Variants in LRRC7 observed in about 807,000 individuals in gnomAD.
LRRC7 encodes leucine-rich repeat-containing protein 7.
In LRRC7, 23 loss-of-function variants were observed where a neutral mutation model predicts 175.7. That is an observed-to-expected ratio of 0.13 (90% CI 0.09 to 0.19). LRRC7 has a LOEUF of 0.19. LRRC7 is among the 10% of genes least tolerant of loss of function. The pLI, the probability that LRRC7 is intolerant of heterozygous loss-of-function variation, is 1.00. For missense variants in LRRC7, 1,354 were observed against 1,904.7 expected (o/e 0.71, Z 5.38); for synonymous variants, 685 against 680.9 (o/e 1.01, Z -0.09).
intron 24 of LRRC7, among the ~76,000 whole-genome samples, chr1:70,086,392 A>G (rs1028708864): frequency 1.3e-5 from 2 of 152,216 alleles, no homozygotes; most frequent in Non-Finnish European, 2.9e-5. Context: ...CAAGTAAAGT[A>G]GAATTATGGA....
intron 8 of LRRC7, among the ~76,000 whole-genome samples, chr1:69,934,435 A>AG (rs1557905682): frequency 7.3e-6 from 1 of 137,018 alleles, no homozygotes; most frequent in Non-Finnish European, 1.5e-5. Flanking sequence ...TATATTTTTA[A>AG]TAGCAATTAT....
chr1:69,825,956 G>A, intron 5 of LRRC7, 130 bp downstream of exon 5: 2 of 511,350 alleles, frequency 3.9e-6, no homozygotes, highest in South Asian at 5.0e-5. Context: ...TAGAATGATG[G>A]GAAAAATTAA....
chr1:69,813,801 T>G (rs1315150366), intron 4 of LRRC7, among the ~76,000 whole-genome samples: 3 of 152,084 alleles, frequency 2.0e-5, no homozygotes, highest in Non-Finnish European at 4.4e-5. Flanking sequence ...TGATAGAAAT[T>G]TTTAGTGATA....
At chr1:69,812,632 A>G (rs1480505691) in intron 4 of LRRC7, among the ~76,000 whole-genome samples, 1 of 152,164 alleles carries the variant, frequency 6.6e-6, no homozygotes, top group Non-Finnish European at 1.5e-5. Flanking sequence ...TCTTTATTTC[A>G]TATGAGAGGT....
intron 1 of LRRC7, among the ~76,000 whole-genome samples, chr1:69,643,835 T>C (rs1233913329): frequency 6.6e-6 from 1 of 151,994 alleles, no homozygotes; most frequent in East Asian, 1.9e-4. Context: ...TGCTGGCTTG[T>C]GAAGTGTATT....
At chr1:69,762,876 A>G (rs972779844) in intron 3 of LRRC7, among the ~76,000 whole-genome samples, 15 of 152,024 alleles carry the variant, frequency 9.9e-5, no homozygotes, top group Non-Finnish European at 1.9e-4. Context: ...TTTATCATTG[A>G]CCTGCCTTAT....
At chr1:69,989,409 A>C (rs1304555046) in intron 10 of LRRC7, among the ~76,000 whole-genome samples, 3 of 152,174 alleles carry the variant, frequency 2.0e-5, no homozygotes, top group Non-Finnish European at 4.4e-5. Flanking sequence ...AATTTTGAAA[A>C]AGAAATCCTG....
At chr1:70,104,486 G>T (rs890612450) in intron 25 of LRRC7, among the ~76,000 whole-genome samples, 1 of 152,160 alleles carries the variant, frequency 6.6e-6, no homozygotes, top group Non-Finnish European at 1.5e-5. Flanking sequence ...ATCAAACAAA[G>T]CAGTCATTGC....
At chr1:70,082,163 G>A (rs1016527066) in intron 24 of LRRC7, among the ~76,000 whole-genome samples, 1 of 152,184 alleles carries the variant, frequency 6.6e-6, no homozygotes, top group African/African-American at 2.4e-5. Context: ...TTTATTGTGT[G>A]CAGGTGAAGA....
chr1:69,828,487 A>G (rs1249708767), intron 5 of LRRC7, among the ~76,000 whole-genome samples: 1 of 152,096 alleles, frequency 6.6e-6, no homozygotes, highest in Non-Finnish European at 1.5e-5. Flanking sequence ...TAGAAATGGT[A>G]TTTCAATTAT....
At chr1:70,015,023 A>T (rs191972473) in intron 13 of LRRC7, among the ~76,000 whole-genome samples, 54 of 152,166 alleles carry the variant, frequency 3.5e-4, no homozygotes, top group African/African-American at 1.3e-3. Context: ...AATATACCCC[A>T]TACGTTGTGA....
chr1:69,831,856 G>T (rs1680560962), intron 5 of LRRC7, among the ~76,000 whole-genome samples: 1 of 152,032 alleles, frequency 6.6e-6, no homozygotes, highest in Non-Finnish European at 1.5e-5. Context: ...AGGACATACA[G>T]CAGGTCTTCA....
At chr1:69,976,528 C>G (rs1652838393) in intron 8 of LRRC7, among the ~76,000 whole-genome samples, 1 of 152,200 alleles carries the variant, frequency 6.6e-6, no homozygotes, top group African/African-American at 2.4e-5. Flanking sequence ...ATCTTTTAAT[C>G]CAATCAAGTA....
chr1:69,905,401 T>G (rs1646268465), intron 7 of LRRC7, among the ~76,000 whole-genome samples: 1 of 151,992 alleles, frequency 6.6e-6, no homozygotes, highest in African/African-American at 2.4e-5. Flanking sequence ...ATGCTATCCC[T>G]CCCCGCTCCC....
At chr1:69,899,386 A>G (rs1437645950) in intron 7 of LRRC7, among the ~76,000 whole-genome samples, 1 of 152,186 alleles carries the variant, frequency 6.6e-6, no homozygotes, top group Non-Finnish European at 1.5e-5. Flanking sequence ...TTGCCTCCTA[A>G]CAAGACTCCT....
intron 8 of LRRC7, among the ~76,000 whole-genome samples, chr1:69,939,697 C>T (rs895673132): frequency 9.2e-5 from 14 of 152,110 alleles, no homozygotes; most frequent in Admixed American, 4.6e-4. Context: ...TCCATTTTGA[C>T]GTCATTTTCT....
At chr1:70,074,076 C>A (rs1418404420) in intron 23 of LRRC7, among the ~76,000 whole-genome samples, 1 of 152,118 alleles carries the variant, frequency 6.6e-6, no homozygotes, top group East Asian at 1.9e-4. Flanking sequence ...GTGATGCAGG[C>A]CTGTAATCCC....
intron 7 of LRRC7, among the ~76,000 whole-genome samples, chr1:69,860,441 T>C (rs968895259): frequency 2.6e-5 from 4 of 151,982 alleles, no homozygotes; most frequent in African/African-American, 9.7e-5. Context: ...AAAGGTGGAT[T>C]AGGGATTCAA....
At chr1:69,868,935 A>T (rs748791694) in intron 7 of LRRC7, among the ~76,000 whole-genome samples, 4 of 151,274 alleles carry the variant, frequency 2.6e-5, no homozygotes, top group African/African-American at 4.9e-5. Flanking sequence ...ATATATATAT[A>T]TATCTTAATC....
Sources: gnomAD v4.1 joint callset for allele counts (sites outside exome capture counted in the v4.1 genomes callset) on GRCh38, gnomAD v4.1.1 for gene constraint, MANE v1.5 for transcripts, NCBI Gene and HGNC (gene_info 2026-07-23, HGNC 2026-07-21) for gene names.